The following BTC variants were observed in gnomAD, a reference collection of about 807,000 sequenced individuals.
BTC encodes the protein probetacellulin.
A neutral mutation model predicts 18.1 loss-of-function variants in BTC; 13 were observed. That is an observed-to-expected ratio of 0.72 (90% CI 0.47 to 1.14). The LOEUF is 1.14. Among genes scored for constraint, BTC ranks in the 50% most tolerant of loss-of-function variants. The pLI is 0.00. For missense variants in BTC, 247 were observed against 224.2 expected, an observed-to-expected ratio of 1.10 and a Z score of -0.65; for synonymous variants, 83 against 79.4, an observed-to-expected ratio of 1.05 and a Z score of -0.24.
In BTC at chr4:74,768,378, G is replaced by A. The variant is rs142716509; in HGVS notation, c.163+1680C>T. Among the ~76,000 whole-genome samples the A allele has an allele frequency of 2.4e-4, 36 of 152,226 alleles. 1 individual carries two copies. Among genetic ancestry groups the A allele is most frequent in the African/African-American group, 8.4e-4 (35 of 41,554 alleles). On this transcript the variant is annotated intron_variant, in intron 2 of 5. Transcript: ENST00000395743. ...CCCAAGGGTCTACTGACAGATTAAT[G>A]GATAAAGAAAGTACGGTAGTACATC...
intron 2 of BTC, 85 bp downstream of exon 2, chr4:74,769,973 T>A (rs1724995830): frequency 8.6e-7 from 1 of 1,157,804 alleles, no homozygotes; most frequent in African/African-American, 1.6e-5. Flanking sequence ...TTAATATATG[T>A]TCAAATGTTT....
intron 1 of BTC, among the ~76,000 whole-genome samples, chr4:74,779,801 T>C (rs532027846): frequency 3.3e-5 from 5 of 152,156 alleles, no homozygotes; most frequent in Admixed American, 1.3e-4. Context: ...TTTAAATGAG[T>C]TAGAGTAAGC....
intron 3 of BTC, among the ~76,000 whole-genome samples, chr4:74,751,079 C>A (rs899507098): frequency 1.3e-5 from 2 of 152,326 alleles, no homozygotes; most frequent in South Asian, 4.1e-4. Context: ...ATCCCCAGGA[C>A]TTCCCATTTC....
rs782732903 is a variant in BTC, at chr4:74,746,284, A to C, written c.*393T>G. 6.6e-6 allele frequency: 1 copy of C among 152,246 alleles called. No individual in the cohort carries two copies. The highest frequency in any genetic ancestry group is 1.5e-5 in the Non-Finnish European group (1 of 68,036). The allele number at this position is 152,246 out of a possible 1,614,324, so 9.4% of individuals were successfully genotyped here. A position where few individuals can be genotyped will look rare whatever the true frequency, so the allele number is the denominator to read the frequency against. ...ATGGATTGCTGAAAGGAATAAAGGA[A>C]ATAATATATTTCAAACTTATTAGCA... is the stretch of plus-strand genomic sequence containing the variant. On this transcript the variant is annotated 3_prime_UTR_variant, in exon 6 of 6. Coordinates refer to ENST00000395743, the MANE Select transcript of BTC (RefSeq NM_001729.4).
At chr4:74,749,771 A>G (rs1724408234) in intron 4 of BTC, among the ~76,000 whole-genome samples, 1 of 126,164 alleles carries the variant, frequency 7.9e-6, no homozygotes, top group African/African-American at 2.9e-5. Context: ...AAAAGTTCCC[A>G]AAAAGAAACT....
At chr4:74,750,852 T>C in intron 3 of BTC, 133 bp from the exon 4 acceptor site, 1 of 1,235,062 alleles carries the variant, frequency 8.1e-7, no homozygotes, top group South Asian at 1.4e-5. Context: ...TAAAAAAAGA[T>C]GCACTACTTT....
intron 2 of BTC, among the ~76,000 whole-genome samples, chr4:74,767,019 A>G (rs1438481111): frequency 6.6e-6 from 1 of 152,112 alleles, no homozygotes; most frequent in Non-Finnish European, 1.5e-5. Flanking sequence ...GAGCAAGACA[A>G]GAATGCCCAG....
At chr4:74,780,203 T>A (rs1033646556) in intron 1 of BTC, among the ~76,000 whole-genome samples, 1 of 152,118 alleles carries the variant, frequency 6.6e-6, no homozygotes, top group Admixed American at 6.6e-5. Context: ...CATTAAGAAA[T>A]AGTCACAACA....
In BTC at chr4:74,778,399, TGA is replaced by T. The variant is rs371742760; in HGVS notation, c.65-8245_65-8244del. On this transcript the variant is annotated intron_variant, in intron 1 of 5. Transcript: ENST00000395743. ...CAGACTAAGGGATTACCACTTTATT[TGA>T]GAGTTACAAGCTTGGGGTAGTGAGA... 4.6e-5 allele frequency among the ~76,000 whole-genome samples: 7 copies of T among 152,170 alleles called. No homozygotes were observed. In the South Asian group the frequency reaches 8.3e-4, roughly 18 times the overall value.
At chr4:74,791,815 G>A (rs763351557) in intron 1 of BTC, among the ~76,000 whole-genome samples, 4 of 152,068 alleles carry the variant, frequency 2.6e-5, no homozygotes, top group Admixed American at 6.5e-5. Flanking sequence ...CATGGAAAGG[G>A]CATCACCATC....
In BTC at chr4:74,750,699, C is replaced by G. The variant is rs1553956051; in HGVS notation, c.302G>C (p.Gly101Ala). The G allele has an allele frequency of 6.2e-7, 1 of 1,613,626 alleles. No homozygotes were observed. The highest frequency in any genetic ancestry group is 1.7e-5 in the Admixed American group (1 of 59,928). ...CAAGTCAACTCTCTCACACCTTGCT[C>G]CAATGTAGCCTTCATCACAGCTATA... ...PSCVCDEGYI[G>A]ARCERVDLFY... is the part of the protein sequence containing the mutation. Residue 101 changes from glycine to alanine, a missense_variant, in exon 4 of 6, where the codon GGA (glycine) becomes GCA (alanine). Transcript: ENST00000395743.
chr4:74,787,299 T>C (rs761394948), intron 1 of BTC, among the ~76,000 whole-genome samples: 11 of 152,200 alleles, frequency 7.2e-5, no homozygotes, highest in Non-Finnish European at 1.6e-4. Context: ...GTAAGTAACA[T>C]ACTACATATC....
At position 74,762,373 on chromosome 4, in the gene BTC, G is replaced by A. The variant is rs148295289; in HGVS notation, c.164-6397C>T. Among the ~76,000 whole-genome samples, 208 of 152,194 alleles carry A rather than the reference G, an allele frequency of 1.4e-3. 1 individual carries two copies. Among genetic ancestry groups the A allele is most frequent in the African/African-American group, 3.3e-3 (137 of 41,538 alleles). ...TTACTTTACCTCTCTGTGCTTCAGT[G>A]TCTTCATTTGAAAAAGGGAATAATG... On this transcript the variant is annotated intron_variant, in intron 2 of 5. Transcript: ENST00000395743.
chr4:74,762,877 A>G (rs1290647294), intron 2 of BTC, among the ~76,000 whole-genome samples: 3 of 152,210 alleles, frequency 2.0e-5, no homozygotes, highest in African/African-American at 7.2e-5. Flanking sequence ...AAGAAGCTCA[A>G]TCCTTAATTA....
intron 2 of BTC, among the ~76,000 whole-genome samples, chr4:74,762,780 G>A (rs376628510): frequency 7.2e-5 from 11 of 152,148 alleles, no homozygotes; most frequent in African/African-American, 2.7e-4. Context: ...TTTACCTGAT[G>A]TTTTAAGGTA....
chr4:74,757,300 C>G (rs1376597062), intron 2 of BTC, among the ~76,000 whole-genome samples: 3 of 152,208 alleles, frequency 2.0e-5, no homozygotes, highest in Non-Finnish European at 4.4e-5. Flanking sequence ...CTAAATACTG[C>G]AAATTCCTGT....
At chr4:74,768,908 C>T (rs1433693712) in intron 2 of BTC, among the ~76,000 whole-genome samples, 1 of 152,126 alleles carries the variant, frequency 6.6e-6, no homozygotes, top group Non-Finnish European at 1.5e-5. Context: ...CACATGAACA[C>T]ATAAAGTTGG....
chr4:74,772,696 T>C (rs1037544035), intron 1 of BTC, among the ~76,000 whole-genome samples: 3 of 151,990 alleles, frequency 2.0e-5, no homozygotes, highest in Admixed American at 6.6e-5. Flanking sequence ...ATTCCGCATC[T>C]GCAACCTGAG....
At chr4:74,750,546 C>A in intron 4 of BTC, 27 bp downstream of exon 4, 1 of 1,585,968 alleles carries the variant, frequency 6.3e-7, no homozygotes, top group Non-Finnish European at 8.6e-7. Flanking sequence ...CTCAGATTTA[C>A]TTAAAATTAA....
Sources: allele counts gnomAD v4.1 joint callset (sites outside exome capture counted in the v4.1 genomes callset), GRCh38; gene constraint gnomAD v4.1.1; transcripts MANE v1.5; gene names NCBI Gene and HGNC (gene_info 2026-07-23, HGNC 2026-07-21).